Variants in BCL2L14 observed in about 807,000 individuals in gnomAD.
BCL2L14 encodes BCL2 like 14, also known as apoptosis facilitator Bcl-2-like protein 14.
In BCL2L14, 27 loss-of-function variants were observed where a neutral mutation model predicts 35.3. That is an observed-to-expected ratio of 0.76 (90% confidence interval 0.56 to 1.05). The LOEUF (loss-of-function observed/expected upper bound fraction) is 1.05, where lower values mean the gene tolerates loss of function less well. Among genes scored for constraint, BCL2L14 ranks in the 50% least tolerant of loss-of-function variants. The pLI is 0.00. For missense variants in BCL2L14, 377 were observed against 382.6 expected (o/e 0.99, Z 0.12); for synonymous variants, 139 against 145.9 (o/e 0.95, Z 0.34).
At chr12:12,063,788 C>A (rs535849892) in intron 2 of BCL2L14, among the ~76,000 whole-genome samples, 4 of 152,126 alleles carry the variant, frequency 2.6e-5, no homozygotes, top group Non-Finnish European at 1.5e-5. Context: ...CCACAAAAGA[C>A]GTGAAAATGG....
At chr12:12,050,624 C>T (rs1320724496) in intron 1 of BCL2L14, among the ~76,000 whole-genome samples, 1 of 150,664 alleles carries the variant, frequency 6.6e-6, no homozygotes, top group African/African-American at 2.4e-5. Flanking sequence ...CAGTGCGACC[C>T]GTAATTTGAG....
intron 1 of BCL2L14, among the ~76,000 whole-genome samples, chr12:12,074,484 T>C (rs1948737624): frequency 6.6e-6 from 1 of 152,184 alleles, no homozygotes; most frequent in Non-Finnish European, 1.5e-5. Context: ...CTGACTCTAT[T>C]ACTCAGTGCA....
Position 12,085,880 on chromosome 12 carries a change from C to T in BCL2L14, c.434-1333C>T, listed in dbSNP as rs540331860. 2.6e-4 allele frequency among the ~76,000 whole-genome samples: 40 copies of T among 152,316 alleles called. No individual in the cohort carries two copies. The South Asian group carries it at 4.6e-3, about 17-fold the overall frequency. ...GAAGTGCCCTAGGAGTTTGAGCACACCAACCTTCTGTCCAAAACGCCACTC... is the reference window on the plus strand; with the variant it reads ...GAAGTGCCCTAGGAGTTTGAGCACATCAACCTTCTGTCCAAAACGCCACTC... On this transcript the variant is annotated intron_variant, in intron 2 of 5. Coordinates refer to ENST00000308721, the MANE Select transcript of BCL2L14 (RefSeq NM_138723.2).
Position 12,074,955 on chromosome 12 carries a change from C to T in BCL2L14, c.-8+3818C>T, listed in dbSNP as rs145781759. ...ACGGTGCCAGCCAAGATGATCAATA[C>T]TTCCTTAATATCATCTAAAACATAC... On this transcript the variant is annotated intron_variant, in intron 1 of 5. Coordinates refer to ENST00000308721, the MANE Select transcript of BCL2L14 (RefSeq NM_138723.2). Among the ~76,000 whole-genome samples the T allele has an allele frequency of 1.8e-3, 258 of 141,290 alleles. 4 individuals are homozygous for T. Among genetic ancestry groups the T allele is most frequent in the African/African-American group, 5.7e-3 (212 of 37,096 alleles). 92.7% of individuals were successfully genotyped at this position (141,290 alleles called of 152,430 possible).
chr12:12,078,345 A>C (rs1948826824), intron 1 of BCL2L14, among the ~76,000 whole-genome samples: 1 of 152,164 alleles, frequency 6.6e-6, no homozygotes, highest in Non-Finnish European at 1.5e-5. Flanking sequence ...GTCAGGTCCC[A>C]GGCATTTCTC....
intron 1 of BCL2L14, among the ~76,000 whole-genome samples, chr12:12,050,445 A>AAAGAAAAG (rs1555084675): frequency 1.5e-5 from 2 of 131,078 alleles, no homozygotes; most frequent in African/African-American, 6.0e-5. Flanking sequence ...AAAAAAAAAA[A>AAAGAAAAG]AAAAGAAAAG....
intron 2 of BCL2L14, among the ~76,000 whole-genome samples, chr12:12,053,713 C>T (rs1948391485): frequency 6.6e-6 from 1 of 152,232 alleles, no homozygotes. Flanking sequence ...CCATGCCCAG[C>T]CGGCAATATA....
chr12:12,080,583 G>A (rs1439598352), intron 2 of BCL2L14, among the ~76,000 whole-genome samples: 1 of 148,976 alleles, frequency 6.7e-6, no homozygotes, highest in Admixed American at 6.7e-5. Flanking sequence ...TTGCATCACT[G>A]CACTCCAGCC....
In BCL2L14 at chr12:12,079,798, A is replaced by G. The variant is rs1166219050; in HGVS notation, c.433+60A>G. On this transcript the variant is annotated intron_variant, in intron 2 of 5. Transcript: ENST00000308721. ...TGGTTTTTCCCTTCTTTGTGTCCAG[A>G]GTGGTACATCTCTTCTCATGTTGTA... The G allele has an allele frequency of 2.6e-6, 4 of 1,525,488 alleles. No homozygotes were observed. In the African/African-American group the frequency reaches 4.1e-5, roughly 16 times the overall value. 94.5% of individuals were successfully genotyped at this position (1,525,488 alleles called of 1,614,324 possible).
chr12:12,050,445 AAAAAG>A (rs150065716), intron 1 of BCL2L14, among the ~76,000 whole-genome samples: 44,627 of 127,514 alleles, frequency 0.35, 7,293 homozygotes, highest in Non-Finnish European at 0.39. Flanking sequence ...AAAAAAAAAA[AAAAAG>A]AAAAGAAAAG....
rs535224833 is a variant in BCL2L14 at position 12,060,624 on chromosome 12, T to G, written c.-272+8777T>G. 0.013 allele frequency among the ~76,000 whole-genome samples: 433 copies of G among 34,246 alleles called. 34 individuals carry two copies. The East Asian group carries it at 0.28, about 22-fold the overall frequency. The allele number at this position is 34,246 out of a possible 152,430, so 22.5% of individuals were successfully genotyped here. A position where few individuals can be genotyped will look rare whatever the true frequency, so the allele number is the denominator to read the frequency against. On this transcript the variant is annotated intron_variant, in intron 2 of 3. Coordinates refer to the BCL2L14 transcript ENST00000461264. ...ACTTCCAAAGGCCTAAACCTCAGCG[T>G]CCAGGCGTTCCTCCAGAACCTCCTC...
chr12:12,059,910 C>G (rs867186914), intron 2 of BCL2L14, among the ~76,000 whole-genome samples: 29 of 152,214 alleles, frequency 1.9e-4, no homozygotes, highest in South Asian at 4.1e-4. Flanking sequence ...TCTGAGATGC[C>G]TGATGTCCAG....
Position 12,079,342 on chromosome 12 carries a change from C to A in BCL2L14, c.37C>A (p.Pro13Thr). Residue 13 changes from proline (P) to threonine (T), a missense_variant, in exon 2 of 6, where the codon CCC becomes ACC. Transcript: ENST00000308721. Reference protein sequence around the residue: ...STSGCDLEEIPLDDDDLNTIE... With the variant: ...STSGCDLEEITLDDDDLNTIE... ...CAGTGGGTGTGACCTGGAAGAAATC[C>A]CCCTAGATGATGATGACCTAAACAC... 1 of 1,614,032 alleles carries A rather than the reference C, an allele frequency of 6.2e-7. No homozygotes were observed. Among genetic ancestry groups the A allele is most frequent in the Non-Finnish European group, 8.5e-7 (1 of 1,179,996 alleles).
chr12:12,091,997 T>A (rs1949198898), intron 4 of BCL2L14, among the ~76,000 whole-genome samples: 1 of 152,190 alleles, frequency 6.6e-6, no homozygotes, highest in South Asian at 2.1e-4. Context: ...TGTGAGAGAA[T>A]GATCTTCCTG....
intron 2 of BCL2L14, among the ~76,000 whole-genome samples, chr12:12,065,162 A>G (rs2136720550): frequency 6.6e-6 from 1 of 152,354 alleles, no homozygotes; most frequent in South Asian, 2.1e-4. Context: ...GGATCGCTCA[A>G]TGATGAGTGA....
intron 1 of BCL2L14, among the ~76,000 whole-genome samples, chr12:12,050,213 G>GGGTTC (rs1302921272): frequency 2.0e-5 from 3 of 152,046 alleles, no homozygotes; most frequent in African/African-American, 7.2e-5. Context: ...GGAGGAGGTG[G>GGGTTC]GGTTCAATAG....
chr12:12,055,996 A>T lies in BCL2L14; in HGVS notation c.-272+4149A>T, dbSNP rs556279949. Among the ~76,000 whole-genome samples, 3 of 152,040 alleles carry T rather than the reference A, an allele frequency of 2.0e-5. No homozygotes were observed. In the East Asian group the frequency reaches 5.8e-4, roughly 29 times the overall value. On this transcript the variant is annotated intron_variant, in intron 2 of 3. Coordinates refer to the BCL2L14 transcript ENST00000461264. Reference sequence around the variant, plus strand: ...CTGATCAAATTCCTCATCCCTCATCATCCCCGAGGCGATGTCTGATCACCC... The same window carrying T: ...CTGATCAAATTCCTCATCCCTCATCTTCCCCGAGGCGATGTCTGATCACCC...
At chr12:12,050,590 C>A (rs1055643923) in intron 1 of BCL2L14, among the ~76,000 whole-genome samples, 9 of 151,418 alleles carry the variant, frequency 5.9e-5, no homozygotes, top group African/African-American at 2.2e-4. Context: ...TAGGAGTAGA[C>A]CTGGAACCCA....
upstream of BCL2L14, among the ~76,000 whole-genome samples, chr12:12,066,904 G>A (rs1382259038): frequency 6.6e-6 from 1 of 152,106 alleles, no homozygotes; most frequent in East Asian, 1.9e-4. Flanking sequence ...TAGAGACGGG[G>A]TTTCGCTGTG....
Sources: allele counts gnomAD v4.1 joint callset (sites outside exome capture counted in the v4.1 genomes callset), GRCh38; gene constraint gnomAD v4.1.1; transcripts MANE v1.5; gene names NCBI Gene and HGNC (gene_info 2026-07-23, HGNC 2026-07-21).